Variants in CD2AP observed in about 807,000 individuals in gnomAD.
The protein encoded by CD2AP is CD2-associated protein.
In CD2AP, 46 loss-of-function variants were observed where a neutral mutation model predicts 85.1. The observed-to-expected ratio is 0.54, with a 90% confidence interval of 0.43 to 0.69. The LOEUF is 0.69. Among genes scored for constraint, CD2AP ranks in the 30% least tolerant of loss-of-function variants. The pLI, the probability that CD2AP is intolerant of heterozygous loss-of-function variation, is 0.00. For synonymous variants in CD2AP, 255 were observed against 252.9 expected, an observed-to-expected ratio of 1.01 and a Z score of -0.08; for missense variants, 769 against 729.5, an observed-to-expected ratio of 1.05 and a Z score of -0.62.
At chr6:47,616,991 A>AG (rs1193439361) in intron 17 of CD2AP, among the ~76,000 whole-genome samples, 1 of 152,170 alleles carries the variant, frequency 6.6e-6, no homozygotes, top group East Asian at 1.9e-4. Flanking sequence ...TTTTAGAGAC[A>AG]GGGAGTCACT....
intron 2 of CD2AP, among the ~76,000 whole-genome samples, chr6:47,517,355 A>G (rs1766478926): frequency 6.6e-6 from 1 of 150,832 alleles, no homozygotes; most frequent in Non-Finnish European, 1.5e-5. Flanking sequence ...CGGTGCGATC[A>G]CAGCTCGCTG....
intron 1 of CD2AP, among the ~76,000 whole-genome samples, chr6:47,502,857 G>C (rs1766033115): frequency 6.6e-6 from 1 of 152,136 alleles, no homozygotes; most frequent in Non-Finnish European, 1.5e-5. Flanking sequence ...ATAGGAGTGA[G>C]ACATTACGCC....
At chr6:47,508,644 C>T (rs551294476) in intron 2 of CD2AP, among the ~76,000 whole-genome samples, 107 of 147,980 alleles carry the variant, frequency 7.2e-4, no homozygotes, top group Non-Finnish European at 5.2e-4. Context: ...CTCCCAGGTT[C>T]AAGTGATTCT....
intron 5 of CD2AP, among the ~76,000 whole-genome samples, chr6:47,557,916 C>T (rs1582556680): frequency 6.6e-6 from 1 of 152,260 alleles, no homozygotes; most frequent in East Asian, 1.9e-4. Context: ...TTACTTTGGG[C>T]AGTATGGCCA....
At chr6:47,495,274 G>A (rs1279734226) in intron 1 of CD2AP, among the ~76,000 whole-genome samples, 1 of 152,148 alleles carries the variant, frequency 6.6e-6, no homozygotes, top group African/African-American at 2.4e-5. Context: ...GAGAGGGTGA[G>A]ATTTGAGATG....
At chr6:47,540,077 A>C (rs1767166237) in intron 3 of CD2AP, among the ~76,000 whole-genome samples, 1 of 148,176 alleles carries the variant, frequency 6.7e-6, no homozygotes, top group Non-Finnish European at 1.5e-5. Flanking sequence ...CAGCTACTTG[A>C]GAGGCTGAGG....
intron 3 of CD2AP, among the ~76,000 whole-genome samples, chr6:47,538,730 G>A (rs917255886): frequency 6.6e-6 from 1 of 152,126 alleles, no homozygotes; most frequent in Admixed American, 6.5e-5. Context: ...TGTAGCATTT[G>A]ATGGAAACAT....
chr6:47,596,081 A>C, intron 12 of CD2AP, 55 bp downstream of exon 12: 1 of 1,264,246 alleles, frequency 7.9e-7, no homozygotes, highest in African/African-American at 1.5e-5. Context: ...TTTGACCTTA[A>C]TGGCTCTATT....
intron 2 of CD2AP, among the ~76,000 whole-genome samples, chr6:47,513,214 G>C (rs1766364989): frequency 6.7e-6 from 1 of 149,266 alleles, no homozygotes; most frequent in African/African-American, 2.5e-5. Context: ...AAAGTTTACA[G>C]TTCTGGCATT....
intron 17 of CD2AP, among the ~76,000 whole-genome samples, chr6:47,614,124 T>C (rs552561134): frequency 1.5e-3 from 233 of 152,342 alleles, no homozygotes; most frequent in African/African-American, 5.4e-3. Flanking sequence ...TTCCTTCATA[T>C]CAACAATAAG....
intron 2 of CD2AP, among the ~76,000 whole-genome samples, chr6:47,517,304 G>A (rs1766475417): frequency 1.3e-5 from 2 of 150,728 alleles, no homozygotes; most frequent in African/African-American, 4.9e-5. Flanking sequence ...TTTTTTGGAG[G>A]CGGTTTCTTA....
intron 1 of CD2AP, among the ~76,000 whole-genome samples, chr6:47,482,577 A>G (rs1207853828): frequency 6.6e-6 from 1 of 151,866 alleles, no homozygotes; most frequent in Non-Finnish European, 1.5e-5. Flanking sequence ...ATGGGGTTTC[A>G]CCGTGTTAGC....
At chr6:47,576,473 A>G (rs1161538824) in intron 6 of CD2AP, 51 bp from the exon 7 acceptor site, 3 of 1,189,992 alleles carry the variant, frequency 2.5e-6, no homozygotes, top group South Asian at 1.2e-5. Flanking sequence ...GTTTAACAGT[A>G]TTATCTTTAT....
chr6:47,481,628 G>A (rs1164931438), intron 1 of CD2AP, among the ~76,000 whole-genome samples: 1 of 151,258 alleles, frequency 6.6e-6, no homozygotes, highest in Non-Finnish European at 1.5e-5. Context: ...TTACAGGCGT[G>A]AGCCACTGCA....
chr6:47,577,512 A>G lies in CD2AP; in HGVS notation c.903+409A>G, dbSNP rs189136004. 1.2e-3 allele frequency among the ~76,000 whole-genome samples: 181 copies of G among 152,288 alleles called. 2 individuals carry two copies. Among genetic ancestry groups the G allele is most frequent in the African/African-American group, 4.2e-3 (173 of 41,540 alleles). On this transcript the variant is annotated intron_variant, in intron 8 of 17. Transcript: ENST00000359314. The stretch of plus-strand genomic sequence containing the variant: ...AAATAGGGAAACAAGCTAAACATCC[A>G]TGAGTATGGAAATGGTTCTGAAACT...
rs1769853746 is a variant in CD2AP, at chr6:47,624,599, T to C, written c.*372T>C. The C allele has an allele frequency of 4.7e-6, 1 of 212,414 alleles. No homozygotes were observed. The highest frequency in any genetic ancestry group is 5.3e-5 in the Admixed American group (1 of 18,880). 13.2% of individuals were successfully genotyped at this position (212,414 alleles called of 1,614,324 possible). On this transcript the variant is annotated 3_prime_UTR_variant, in exon 18 of 18. Transcript: ENST00000359314. Reference sequence around the variant, plus strand: ...TATATTTACAAGTAATCTGTTAAGATATACTATTTGAGAGGGACAGATTAG... The same window carrying C: ...TATATTTACAAGTAATCTGTTAAGACATACTATTTGAGAGGGACAGATTAG...
chr6:47,491,945 G>A (rs957101392), intron 1 of CD2AP, among the ~76,000 whole-genome samples: 2 of 152,040 alleles, frequency 1.3e-5, no homozygotes, highest in South Asian at 2.1e-4. Flanking sequence ...AGAGTTTGCT[G>A]TACTTCATTT....
chr6:47,505,842 G>A (rs1766142813), intron 2 of CD2AP, among the ~76,000 whole-genome samples: 1 of 122,738 alleles, frequency 8.1e-6, no homozygotes, highest in Non-Finnish European at 1.8e-5. Flanking sequence ...GGCTGTCCGG[G>A]CGGGGGGGCT....
rs575011274 is a variant in CD2AP at position 47,562,658 on chromosome 6, A to G, written c.541+7892A>G. ...TGTTGCTGGAGATGTAATGGATGTT[A>G]ATACTGCCACTGCTTTATGGGAGGT... is the stretch of plus-strand genomic sequence containing the variant. On this transcript the variant is annotated intron_variant, in intron 5 of 17. Transcript: ENST00000359314. 13 of 543,338 alleles carry G rather than the reference A, an allele frequency of 2.4e-5. No homozygotes were observed. In the South Asian group the frequency reaches 2.9e-4, roughly 12 times the overall value. 33.7% of individuals were successfully genotyped at this position (543,338 alleles called of 1,614,324 possible). A position where few individuals can be genotyped will look rare whatever the true frequency, so the allele number is the denominator to read the frequency against.
Sources: allele counts gnomAD v4.1 joint callset (sites outside exome capture counted in the v4.1 genomes callset), GRCh38; gene constraint gnomAD v4.1.1; transcripts MANE v1.5; gene names NCBI Gene and HGNC (gene_info 2026-07-23, HGNC 2026-07-21).